The following NARS2 variants were observed in gnomAD, a reference collection of about 807,000 sequenced individuals.
NARS2 encodes asparaginyl-tRNA synthetase 2, mitochondrial.
In NARS2, 60 loss-of-function variants were observed where a neutral mutation model predicts 62.9. That is an observed-to-expected ratio of 0.95 (90% CI 0.77 to 1.18). NARS2 has a LOEUF of 1.18. Ranked by LOEUF, NARS2 falls within the 50% of genes most tolerant of loss-of-function variation. The pLI, the probability that NARS2 is intolerant of heterozygous loss-of-function variation, is 0.00. For synonymous variants in NARS2, 196 were observed against 200.0 expected, an observed-to-expected ratio of 0.98 and a Z score of 0.17; for missense variants, 619 against 576.4, an observed-to-expected ratio of 1.07 and a Z score of -0.76.
intron 1 of NARS2, among the ~76,000 whole-genome samples, chr11:78,574,119 AGGTAATACCC>A (rs1857027762): frequency 6.6e-6 from 1 of 152,240 alleles, no homozygotes; most frequent in Admixed American, 6.5e-5. Context: ...ACAAGTTTAC[AGGTAATACCC>A]TGGAATCATG....
intron 6 of NARS2, among the ~76,000 whole-genome samples, chr11:78,500,428 G>T (rs774626818): frequency 6.6e-6 from 1 of 152,204 alleles, no homozygotes; most frequent in African/African-American, 2.4e-5. Flanking sequence ...GTTACTTTTT[G>T]TCTCCTTCCT....
chr11:78,476,181 G>A (rs1043975251), intron 9 of NARS2, among the ~76,000 whole-genome samples: 3 of 152,208 alleles, frequency 2.0e-5, no homozygotes, highest in African/African-American at 7.2e-5. Flanking sequence ...AATGGGCTAT[G>A]CCACTGGCTG....
At chr11:78,488,756 A>C (rs1373833409) in intron 7 of NARS2, among the ~76,000 whole-genome samples, 1 of 152,206 alleles carries the variant, frequency 6.6e-6, no homozygotes, top group Non-Finnish European at 1.5e-5. Flanking sequence ...AAAAAGTAGA[A>C]TACGGAACAG....
At chr11:78,478,078 C>T (rs1859180908) in intron 9 of NARS2, among the ~76,000 whole-genome samples, 1 of 152,086 alleles carries the variant, frequency 6.6e-6, no homozygotes, top group Non-Finnish European at 1.5e-5. Flanking sequence ...GTAACCTACA[C>T]TGAGCATGGT....
rs146249974 is a variant in NARS2 at position 78,489,360 on chromosome 11, A to G, written c.822+3703T>C. Among the ~76,000 whole-genome samples, 528 of 152,334 alleles carry G rather than the reference A, an allele frequency of 3.5e-3. 2 individuals are homozygous for G. The highest frequency in any genetic ancestry group is 0.012 in the African/African-American group (508 of 41,564). On this transcript the variant is annotated intron_variant, in intron 7 of 13. Transcript: ENST00000281038. ...TGCTCAACATCAATAAGCATTAGGGAAATGCAAATTAAAACCACAAAGAGA... is the reference window on the plus strand; with the variant it reads ...TGCTCAACATCAATAAGCATTAGGGGAATGCAAATTAAAACCACAAAGAGA...
intron 4 of NARS2, among the ~76,000 whole-genome samples, chr11:78,562,423 T>C (rs1346995056): frequency 6.6e-6 from 1 of 152,096 alleles, no homozygotes; most frequent in East Asian, 1.9e-4. Flanking sequence ...GTATGAGACT[T>C]CATCTCAAAA....
chr11:78,495,077 G>A (rs1860001451), intron 6 of NARS2, among the ~76,000 whole-genome samples: 1 of 152,078 alleles, frequency 6.6e-6, no homozygotes, highest in African/African-American at 2.4e-5. Context: ...CTGGTGTCTG[G>A]CACCTGTCTT....
In NARS2 at chr11:78,568,670, C is replaced by T. The variant is rs368330294; in HGVS notation, c.334G>A (p.Ala112Thr). 1 of 1,612,756 alleles carries T rather than the reference C, an allele frequency of 6.2e-7. No individual in the cohort carries two copies. Among genetic ancestry groups the T allele is most frequent in the Non-Finnish European group, 8.5e-7 (1 of 1,179,296 alleles). Residue 112 changes from alanine (A) to threonine (T), a missense_variant, in exon 3 of 14, where the codon GCA becomes ACA. Coordinates refer to ENST00000281038, the MANE Select transcript of NARS2 (RefSeq NM_024678.6). ...TTTCCAATAACTTTAATTTTTTCTG[C>T]CTTCAGTTCCACATTTTGCCTTTTG... is the stretch of plus-strand genomic sequence containing the variant. The part of the protein sequence containing the change: ...PSKRQNVELK[A>T]EKIKVIGNCD...
chr11:78,553,251 T>C (rs1266328778), intron 5 of NARS2, among the ~76,000 whole-genome samples: 1 of 152,084 alleles, frequency 6.6e-6, no homozygotes, highest in Non-Finnish European at 1.5e-5. Flanking sequence ...CTCAAGCATG[T>C]CTTCTAACAA....
intron 7 of NARS2, among the ~76,000 whole-genome samples, chr11:78,482,260 A>C (rs1254711507): frequency 6.6e-6 from 1 of 152,224 alleles, no homozygotes; most frequent in Non-Finnish European, 1.5e-5. Flanking sequence ...TTAAGAGGGA[A>C]GTTTATAGCA....
intron 1 of NARS2, 35 bp downstream of exon 1, chr11:78,574,313 A>G: frequency 1.2e-6 from 2 of 1,613,954 alleles, no homozygotes; most frequent in Non-Finnish European, 1.7e-6. Context: ...AAAAGTCCCT[A>G]CAAGAAAAAA....
chr11:78,494,623 T>A (rs1311038002), intron 6 of NARS2, among the ~76,000 whole-genome samples: 1 of 152,084 alleles, frequency 6.6e-6, no homozygotes, highest in Non-Finnish European at 1.5e-5. Flanking sequence ...TACAGCTACC[T>A]TCCTAAGACC....
chr11:78,457,163 G>A (rs552833573), intron 11 of NARS2, among the ~76,000 whole-genome samples: 3 of 152,296 alleles, frequency 2.0e-5, no homozygotes, highest in Admixed American at 6.5e-5. Context: ...ACACCACAGC[G>A]CATACCTTCA....
At chr11:78,531,432 T>C (rs113398161) in intron 5 of NARS2, among the ~76,000 whole-genome samples, 4,304 of 152,242 alleles carry the variant, frequency 0.028, 191 homozygotes, top group African/African-American at 0.098. Flanking sequence ...TTGCGGTTAC[T>C]AGGGAAAAAA....
In NARS2 at chr11:78,574,354, C is replaced by G; in HGVS notation, c.135G>C (p.Lys45Asn). 4 of 1,614,246 alleles carry G rather than the reference C, an allele frequency of 2.5e-6. No individual in the cohort carries two copies. The highest frequency in any genetic ancestry group is 1.3e-5 in the African/African-American group (1 of 75,062). Residue 45 changes from lysine (K) to asparagine (N), a missense_variant, in exon 1 of 14, where the codon AAG (lysine) becomes AAC (asparagine). Lys to Asn is a moderately conservative substitution (Grantham distance 94). Coordinates refer to ENST00000281038, the MANE Select transcript of NARS2 (RefSeq NM_024678.6). ...TCCCTTCCCATTCACCAACCTGGAT[C>G]TTAATGCGCTCCCCACTCGCGTTCT... is the stretch of plus-strand genomic sequence containing the variant. ...GAQNASGERI[K>N]IQGWIRSVRS...
At chr11:78,473,538 G>A (rs1211707438) in intron 9 of NARS2, among the ~76,000 whole-genome samples, 2 of 152,162 alleles carry the variant, frequency 1.3e-5, no homozygotes, top group Non-Finnish European at 2.9e-5. Flanking sequence ...GATTTCTATA[G>A]CTACTCCAGC....
In NARS2 at chr11:78,436,636, C is replaced by A. The variant is rs1024178233; in HGVS notation, c.*34G>T. The A allele has an allele frequency of 6.2e-7, 1 of 1,612,308 alleles. No individual in the cohort carries two copies. The highest frequency in any genetic ancestry group is 8.5e-7 in the Non-Finnish European group (1 of 1,178,878). On this transcript the variant is annotated 3_prime_UTR_variant, in exon 14 of 14. Coordinates refer to ENST00000281038, the MANE Select transcript of NARS2 (RefSeq NM_024678.6). ...GCACAATCATGTGCAGTGTCTCTGC[C>A]ATGGGGGGTGCTTTTCCTTAACCAA...
chr11:78,501,717 T>A (rs986446004), intron 6 of NARS2, among the ~76,000 whole-genome samples: 1 of 152,220 alleles, frequency 6.6e-6, no homozygotes, highest in African/African-American at 2.4e-5. Context: ...GGCAAGGATA[T>A]AGAGATACTC....
At chr11:78,529,007 G>T in intron 5 of NARS2, 71 bp from the exon 6 acceptor site, 1 of 964,724 alleles carries the variant, frequency 1.0e-6, no homozygotes, top group Non-Finnish European at 1.6e-6. Flanking sequence ...TCATATACAT[G>T]TCACAACTAA....
Sources: allele counts gnomAD v4.1 joint callset (sites outside exome capture counted in the v4.1 genomes callset), GRCh38; gene constraint gnomAD v4.1.1; transcripts MANE v1.5; gene names NCBI Gene and HGNC (gene_info 2026-07-23, HGNC 2026-07-21).